FAT4: variants seen among roughly 807,000 people sequenced by gnomAD.
FAT4 encodes protocadherin Fat 4.
A neutral mutation model predicts 303.9 loss-of-function variants in FAT4; 84 were observed. That is an observed-to-expected ratio of 0.28 (90% confidence interval 0.23 to 0.33). The LOEUF (loss-of-function observed/expected upper bound fraction) is 0.33, where lower values mean the gene tolerates loss of function less well. FAT4 is among the 10% of genes least tolerant of loss of function. The pLI, the probability that FAT4 is intolerant of heterozygous loss-of-function variation, is 1.00. For missense variants in FAT4, 6,005 were observed against 6,146.8 expected (o/e 0.98, Z 0.77); for synonymous variants, 2,307 against 2,298.8 (o/e 1.00, Z -0.10).
At chr4:125,472,590 AC>A (rs1287737630) in intron 12 of FAT4, among the ~76,000 whole-genome samples, 22 of 152,292 alleles carry the variant, frequency 1.4e-4, no homozygotes, top group African/African-American at 5.3e-4. Flanking sequence ...TTATGAAAGA[AC>A]AAAATTTGTC....
At position 125,449,266 on chromosome 4, in the gene FAT4, C is replaced by G; in HGVS notation, c.8256C>G (p.Ser2752=). The part of the protein sequence containing the change: ...VLTIKSSDKG[S]PSQSTSVKVM... Reference sequence around the variant, plus strand: ...CCATAAAATCATCAGACAAAGGGTCCCCGTCTCAGAGTACTTCAGTAAAAG... The same window carrying G: ...CCATAAAATCATCAGACAAAGGGTCGCCGTCTCAGAGTACTTCAGTAAAAG... Residue 2752 remains serine, a synonymous_variant, in exon 10 of 18, where the codon TCC becomes TCG. Coordinates refer to ENST00000394329, the MANE Select transcript of FAT4 (RefSeq NM_001291303.3). The G allele has an allele frequency of 6.2e-7, 1 of 1,613,728 alleles. No homozygotes were observed. Among genetic ancestry groups the G allele is most frequent in the East Asian group, 2.2e-5 (1 of 44,836 alleles).
intron 2 of FAT4, among the ~76,000 whole-genome samples, chr4:125,340,414 C>T (rs1009616186): frequency 4.6e-5 from 7 of 151,556 alleles, no homozygotes; most frequent in South Asian, 2.1e-4. Flanking sequence ...GACGGAGCCT[C>T]GCTCTGTCGC....
chr4:125,354,725 T>C (rs1418193007), intron 2 of FAT4, among the ~76,000 whole-genome samples: 1 of 134,034 alleles, frequency 7.5e-6, no homozygotes, highest in Non-Finnish European at 1.6e-5. Context: ...GATGGGAGAA[T>C]AGTAAACAAG....
At chr4:125,353,522 A>G (rs1732312635) in intron 2 of FAT4, among the ~76,000 whole-genome samples, 1 of 151,590 alleles carries the variant, frequency 6.6e-6, no homozygotes, top group Non-Finnish European at 1.5e-5. Flanking sequence ...TTCTTTGTCA[A>G]TCTTTTAGTT....
chr4:125,481,437 T>G, intron 15 of FAT4, 84 bp from the exon 16 acceptor site: 2 of 1,168,074 alleles, frequency 1.7e-6, no homozygotes, highest in Non-Finnish European at 2.5e-6. Context: ...TCATTGTCCT[T>G]TTTATATTTT....
chr4:125,318,716 G>A lies in FAT4; in HGVS notation c.2305G>A (p.Gly769Ser), dbSNP rs1560754302. The A allele has an allele frequency of 6.2e-7, 1 of 1,614,008 alleles. No individual in the cohort carries two copies. ...YQLQIVATDGGNLQSPNQAIV... is the reference protein window; with the variant it reads ...YQLQIVATDGSNLQSPNQAIV... Reference sequence around the variant, plus strand: ...GTTGCAAATAGTAGCTACTGATGGTGGCAATTTACAATCTCCCAACCAGGC... The same window carrying A: ...GTTGCAAATAGTAGCTACTGATGGTAGCAATTTACAATCTCCCAACCAGGC... Residue 769 changes from glycine to serine, a missense_variant, in exon 2 of 18, where the codon GGC becomes AGC. By Grantham distance (56) the Gly-to-Ser change is moderately conservative (BLOSUM62 0). Coordinates refer to ENST00000394329, the MANE Select transcript of FAT4 (RefSeq NM_001291303.3).
intron 3 of FAT4, among the ~76,000 whole-genome samples, chr4:125,406,234 C>T (rs1302290915): frequency 6.6e-6 from 1 of 152,116 alleles, no homozygotes; most frequent in Non-Finnish European, 1.5e-5. Flanking sequence ...GTTTTCCCAA[C>T]ACCCCTTGTT....
rs532083020 is a variant in FAT4 at position 125,434,176 on chromosome 4, A to G, written c.7019-69A>G. The G allele has an allele frequency of 2.8e-4, 398 of 1,440,698 alleles. 4 individuals are homozygous for G. The South Asian group carries it at 4.7e-3, about 17-fold the overall frequency. The allele number at this position is 1,440,698 out of a possible 1,614,324, so 89.2% of individuals were successfully genotyped here. On this transcript the variant is annotated intron_variant, in intron 7 of 17. Coordinates refer to ENST00000394329, the MANE Select transcript of FAT4 (RefSeq NM_001291303.3). ...AATTCTCTTTAGTAATTCTGTCTACAGCTAATTTTTGTTAAATTTGTTATT... is the reference window on the plus strand; with the variant it reads ...AATTCTCTTTAGTAATTCTGTCTACGGCTAATTTTTGTTAAATTTGTTATT...
intron 12 of FAT4, among the ~76,000 whole-genome samples, chr4:125,473,543 G>GAT (rs1472979535): frequency 2.0e-5 from 3 of 151,938 alleles, no homozygotes; most frequent in Non-Finnish European, 4.4e-5. Context: ...TTTAGAGATT[G>GAT]ATATATATAG....
chr4:125,393,969 T>G (rs990578317), intron 2 of FAT4: 2 of 780,230 alleles, frequency 2.6e-6, no homozygotes, highest in African/African-American at 3.4e-5. Context: ...GGGTGATACC[T>G]TAGCTCAACC....
chr4:125,440,617 G>GAGAGAGAGAGAGAA (rs1451715949), intron 8 of FAT4, among the ~76,000 whole-genome samples: 14 of 145,324 alleles, frequency 9.6e-5, no homozygotes, highest in Non-Finnish European at 2.0e-4. Flanking sequence ...GTGTGAGAGA[G>GAGAGAGAGAGAGAA]AGAGAGAGAG....
chr4:125,455,489 G>A (rs1442855265), intron 10 of FAT4, among the ~76,000 whole-genome samples: 2 of 152,066 alleles, frequency 1.3e-5, no homozygotes, highest in Non-Finnish European at 2.9e-5. Flanking sequence ...TTGCATTATA[G>A]ACATTATTAC....
intron 9 of FAT4, among the ~76,000 whole-genome samples, chr4:125,447,886 C>T (rs1321862845): frequency 6.6e-6 from 1 of 151,978 alleles, no homozygotes; most frequent in Non-Finnish European, 1.5e-5. Context: ...TATACACACA[C>T]ATATAAACAT....
intron 3 of FAT4, among the ~76,000 whole-genome samples, chr4:125,401,182 T>C (rs1261697839): frequency 6.6e-6 from 1 of 152,048 alleles, no homozygotes. Flanking sequence ...AATAACGTTT[T>C]AATAACTGCT....
At chr4:125,402,345 C>T (rs1225586736) in intron 3 of FAT4, among the ~76,000 whole-genome samples, 1 of 151,866 alleles carries the variant, frequency 6.6e-6, no homozygotes, top group Non-Finnish European at 1.5e-5. Flanking sequence ...CCATACCTCA[C>T]CCACTTTACT....
intron 7 of FAT4, among the ~76,000 whole-genome samples, chr4:125,429,460 G>A (rs1026658075): frequency 7.2e-5 from 11 of 152,234 alleles, no homozygotes; most frequent in Non-Finnish European, 1.3e-4. Context: ...GAGTGGCAGA[G>A]TTTTATCTGA....
At chr4:125,322,450 C>T (rs1385743314) in intron 2 of FAT4, among the ~76,000 whole-genome samples, 1 of 152,078 alleles carries the variant, frequency 6.6e-6, no homozygotes, top group Non-Finnish European at 1.5e-5. Context: ...GAACTACTTT[C>T]AATGTTATTT....
At chr4:125,360,163 C>T (rs375192049) in intron 2 of FAT4, among the ~76,000 whole-genome samples, 18 of 152,256 alleles carry the variant, frequency 1.2e-4, no homozygotes, top group East Asian at 9.7e-4. Context: ...CATGCCCCTT[C>T]GCAATATTTC....
intron 2 of FAT4, among the ~76,000 whole-genome samples, chr4:125,324,002 A>C (rs1731054648): frequency 6.6e-6 from 1 of 152,168 alleles, no homozygotes; most frequent in Non-Finnish European, 1.5e-5. Flanking sequence ...GAGGCTAATG[A>C]CTATGACTCT....
Sources: allele counts gnomAD v4.1 joint callset (sites outside exome capture counted in the v4.1 genomes callset), GRCh38; gene constraint gnomAD v4.1.1; transcripts MANE v1.5; gene names NCBI Gene and HGNC (gene_info 2026-07-23, HGNC 2026-07-21).